GFPT1: variants seen among roughly 807,000 people sequenced by gnomAD.
GFPT1 encodes glutamine--fructose-6-phosphate transaminase 1, also known as glutamine--fructose-6-phosphate aminotransferase [isomerizing] 1.
GFPT1 carries 40 observed loss-of-function variants against 92.0 expected under a neutral mutation model. The ratio of observed to expected loss-of-function variants is 0.43; its 90% confidence interval spans 0.34 to 0.57. GFPT1 has a LOEUF of 0.57. GFPT1 is among the 20% of genes least tolerant of loss of function. GFPT1 has a pLI of 0.02. For synonymous variants in GFPT1, 269 were observed against 280.6 expected, an observed-to-expected ratio of 0.96 and a Z score of 0.41; for missense variants, 448 against 869.1, an observed-to-expected ratio of 0.52 and a Z score of 6.09.
intron 4 of GFPT1, among the ~76,000 whole-genome samples, chr2:69,361,959 G>A (rs766847979): frequency 8.5e-5 from 13 of 152,142 alleles, no homozygotes; most frequent in Non-Finnish European, 1.8e-4. Flanking sequence ...AGCCTGGGTG[G>A]AGGAGTGAGA....
intron 9 of GFPT1, among the ~76,000 whole-genome samples, chr2:69,351,994 G>A (rs1247250399): frequency 6.6e-6 from 1 of 152,194 alleles, no homozygotes; most frequent in African/African-American, 2.4e-5. Flanking sequence ...AGGCACAGTG[G>A]CTCATGCTTT....
chr2:69,337,664 T>A (rs1392860982), intron 15 of GFPT1, among the ~76,000 whole-genome samples: 2 of 152,226 alleles, frequency 1.3e-5, no homozygotes, highest in Non-Finnish European at 2.9e-5. Context: ...AAGTCCCTTT[T>A]AAACTCTATC....
At chr2:69,377,983 A>G (rs1456305219) in intron 1 of GFPT1, among the ~76,000 whole-genome samples, 3 of 152,142 alleles carry the variant, frequency 2.0e-5, no homozygotes, top group Non-Finnish European at 4.4e-5. Flanking sequence ...CAGGTCTTTG[A>G]CTTGTCTTAT....
intron 13 of GFPT1, among the ~76,000 whole-genome samples, chr2:69,341,780 C>T (rs765210684): frequency 1.1e-4 from 17 of 152,174 alleles, no homozygotes; most frequent in Non-Finnish European, 2.2e-4. Flanking sequence ...GAGGTTCACA[C>T]ATGATGCAGG....
At chr2:69,380,491 C>G (rs1248439856) in intron 1 of GFPT1, among the ~76,000 whole-genome samples, 1 of 152,200 alleles carries the variant, frequency 6.6e-6, no homozygotes, top group African/African-American at 2.4e-5. Context: ...CTAGAAGGGG[C>G]TCCATGACAC....
chr2:69,381,943 A>C (rs542286236), intron 1 of GFPT1, among the ~76,000 whole-genome samples: 12 of 151,040 alleles, frequency 7.9e-5, no homozygotes, highest in African/African-American at 2.9e-4. Flanking sequence ...AGCTCACTGC[A>C]ACCTTCACCT....
chr2:69,326,544 G>A (rs2104594707), intron 19 of GFPT1, among the ~76,000 whole-genome samples: 1 of 152,308 alleles, frequency 6.6e-6, no homozygotes, highest in South Asian at 2.1e-4. Context: ...TGTTTTGGTT[G>A]CCACAATGGC....
In GFPT1 at chr2:69,319,973, T is replaced by C. The variant is rs531253972; in HGVS notation, c.*6216A>G. 1 of 152,348 alleles carries C rather than the reference T, an allele frequency of 6.6e-6. No homozygotes were observed. The highest frequency in any genetic ancestry group is 1.5e-5 in the Non-Finnish European group (1 of 68,034). 9.4% of individuals were successfully genotyped at this position (152,348 alleles called of 1,614,324 possible). A position where few individuals can be genotyped will look rare whatever the true frequency, so the allele number is the denominator to read the frequency against. On this transcript the variant is annotated 3_prime_UTR_variant, in exon 20 of 20. Coordinates refer to ENST00000357308, the MANE Select transcript of GFPT1 (RefSeq NM_001244710.2). ...AAACTTGAAATTTAATGCAACGTTA[T>C]TTCTCTTGCCTAGAAGCTAAAGCCT...
At chr2:69,356,307 T>C (rs1238811638) in intron 7 of GFPT1, among the ~76,000 whole-genome samples, 189 bp downstream of exon 7, 1 of 152,152 alleles carries the variant, frequency 6.6e-6, no homozygotes, top group African/African-American at 2.4e-5. Context: ...ATTTGCTTTC[T>C]TCAGGGATTC....
At chr2:69,353,596 G>A (rs1238757842) in intron 9 of GFPT1, among the ~76,000 whole-genome samples, 1 of 152,050 alleles carries the variant, frequency 6.6e-6, no homozygotes, top group Non-Finnish European at 1.5e-5. Flanking sequence ...GAGAGGCTGA[G>A]GCAAGAGGAT....
intron 2 of GFPT1, among the ~76,000 whole-genome samples, chr2:69,373,539 G>A (rs1671800504): frequency 6.6e-6 from 1 of 152,050 alleles, no homozygotes. Context: ...AGGATTGCCT[G>A]AGCCCAGAGT....
chr2:69,363,988 G>A (rs1032641368), intron 3 of GFPT1, among the ~76,000 whole-genome samples: 1 of 151,978 alleles, frequency 6.6e-6, no homozygotes, highest in African/African-American at 2.4e-5. Flanking sequence ...GGTGGCACGC[G>A]CCTGTAGTCC....
chr2:69,386,019 C>A, intron 1 of GFPT1, among the ~76,000 whole-genome samples: 1 of 127,828 alleles, frequency 7.8e-6, no homozygotes. Context: ...TACAATGGTA[C>A]TTCCCTTTAA....
At chr2:69,354,989 A>C (rs1300425308) in intron 7 of GFPT1, among the ~76,000 whole-genome samples, 1 of 152,158 alleles carries the variant, frequency 6.6e-6, no homozygotes, top group East Asian at 1.9e-4. Flanking sequence ...GGATGACAGA[A>C]CAAGATCCTA....
intron 1 of GFPT1, among the ~76,000 whole-genome samples, chr2:69,385,920 T>C (rs1387609137): frequency 6.6e-6 from 1 of 151,716 alleles, no homozygotes. Context: ...AGGAAATATA[T>C]ACACTAACGA....
intron 9 of GFPT1, among the ~76,000 whole-genome samples, chr2:69,351,577 A>G (rs545829796): frequency 6.6e-6 from 1 of 152,352 alleles, no homozygotes; most frequent in East Asian, 1.9e-4. Flanking sequence ...GTACACATGT[A>G]TTGAAATATA....
intron 1 of GFPT1, among the ~76,000 whole-genome samples, chr2:69,379,672 G>A (rs1414817803): frequency 6.6e-6 from 1 of 151,690 alleles, no homozygotes; most frequent in Non-Finnish European, 1.5e-5. Context: ...CAAGTAGCTG[G>A]GACCACAGGC....
At chr2:69,349,557 T>C (rs1057402116) in intron 10 of GFPT1, among the ~76,000 whole-genome samples, 1 of 152,234 alleles carries the variant, frequency 6.6e-6, no homozygotes, top group Admixed American at 6.5e-5. Context: ...TTTATCCTCA[T>C]TACTATTTCA....
intron 1 of GFPT1, among the ~76,000 whole-genome samples, chr2:69,384,777 A>G (rs1430537548): frequency 2.0e-5 from 3 of 148,878 alleles, no homozygotes; most frequent in Non-Finnish European, 3.0e-5. Flanking sequence ...GAAAGAAAGA[A>G]AAAGAAAGAA....
Sources: gnomAD v4.1 joint callset for allele counts (sites outside exome capture counted in the v4.1 genomes callset) on GRCh38, gnomAD v4.1.1 for gene constraint, MANE v1.5 for transcripts, NCBI Gene and HGNC (gene_info 2026-07-23, HGNC 2026-07-21) for gene names.